Variants in TJP3 observed in about 807,000 individuals in gnomAD.
The protein encoded by TJP3 is tight junction protein 3.
In TJP3, 85 loss-of-function variants were observed where a neutral mutation model predicts 104.2. The observed-to-expected ratio is 0.82, with a 90% confidence interval of 0.68 to 0.98. The LOEUF (loss-of-function observed/expected upper bound fraction) is 0.98. Among genes scored for constraint, TJP3 ranks in the 50% least tolerant of loss-of-function variants. The probability of loss-of-function intolerance (pLI) is 0.00; values close to 1 mark genes in which losing one functional copy is unlikely to be tolerated. For synonymous variants in TJP3, 550 were observed against 550.6 expected, an observed-to-expected ratio of 1.00 and a Z score of 0.02; for missense variants, 1,367 against 1,322.8, an observed-to-expected ratio of 1.03 and a Z score of -0.52.
At chr19:3,710,352 A>G (rs2145659138) in intron 1 of TJP3, among the ~76,000 whole-genome samples, 1 of 152,050 alleles carries the variant, frequency 6.6e-6, no homozygotes, top group African/African-American at 2.4e-5. Context: ...ACAGCCGCTT[A>G]CCCCGGGCCG....
chr19:3,735,838 C>T, intron 9 of TJP3, 31 bp from the exon 10 acceptor site: 1 of 1,613,102 alleles, frequency 6.2e-7, no homozygotes, highest in South Asian at 1.1e-5. Flanking sequence ...AGCCAGTGTG[C>T]TTGGGAAAGA....
chr19:3,729,996 C>T, intron 3 of TJP3, 32 bp from the exon 4 acceptor site: 1 of 1,597,000 alleles, frequency 6.3e-7, no homozygotes, highest in Non-Finnish European at 8.6e-7. Flanking sequence ...CCCTGCAAAG[C>T]CTCCTCCGTA....
At chr19:3,721,951 C>T in intron 1 of TJP3, 1 of 866,676 alleles carries the variant, frequency 1.2e-6, no homozygotes, top group Non-Finnish European at 1.5e-6. Flanking sequence ...GGGGCTCGGG[C>T]TGAGGTGGGG....
intron 1 of TJP3, among the ~76,000 whole-genome samples, chr19:3,716,370 G>T (rs2036477144): frequency 6.7e-6 from 1 of 148,492 alleles, no homozygotes; most frequent in Admixed American, 6.8e-5. Context: ...ACCGCGCTCG[G>T]CCTGGTATTG....
chr19:3,734,554 C>A, intron 8 of TJP3, 119 bp downstream of exon 8: 1 of 874,866 alleles, frequency 1.1e-6, no homozygotes, highest in Non-Finnish European at 1.7e-6. Context: ...TCCTGTATTT[C>A]TAGCATGTGC....
intron 3 of TJP3, among the ~76,000 whole-genome samples, chr19:3,729,596 C>T (rs1344809024): frequency 6.6e-6 from 1 of 151,986 alleles, no homozygotes; most frequent in Admixed American, 6.6e-5. Context: ...GCCTGGCCAA[C>T]ATGGTGAAAC....
At chr19:3,726,852 A>C (rs1163635754) in intron 1 of TJP3, among the ~76,000 whole-genome samples, 1 of 151,796 alleles carries the variant, frequency 6.6e-6, no homozygotes, top group African/African-American at 2.4e-5. Context: ...TTGGGAGGCC[A>C]AGGCTGGAGA....
rs766559592 is a variant in TJP3 at position 3,747,878 on chromosome 19, G to A, written c.2407G>A (p.Val803Ile). Residue 803 changes from valine (V) to isoleucine (I), a missense_variant, in exon 19 of 21, where the codon GTT becomes ATT. Transcript: ENST00000541714. The stretch of plus-strand genomic sequence containing the variant: ...CGCTGACCTCAGCTGCGACAGCCGC[G>A]TTAACAGCGACTACGAGACGGACGG... ...SSADLSCDSR[V>I]NSDYETDGEG... The A allele has an allele frequency of 9.3e-6, 15 of 1,612,966 alleles. No homozygotes were observed. The highest frequency in any genetic ancestry group is 6.7e-5 in the East Asian group (3 of 44,894).
chr19:3,749,509 A>G (rs544262188), intron 19 of TJP3: 1 of 151,636 alleles, frequency 6.6e-6, no homozygotes, highest in South Asian at 2.1e-4. Context: ...ACACCCAGCT[A>G]ATTTTTTTTC....
chr19:3,748,009 G>A lies in TJP3; in HGVS notation c.2538G>A (p.Ser846=), dbSNP rs769177639. 5.6e-6 allele frequency: 9 copies of A among 1,608,022 alleles called. No homozygotes were observed. Among genetic ancestry groups the A allele is most frequent in the East Asian group, 2.2e-5 (1 of 44,622 alleles). The change falls in exon 19 of 21, where the codon TCG becomes TCA. Residue 846 remains serine, a synonymous_variant. Transcript: ENST00000541714. ...CGGCTCCAGCCCTGGCCCGGTCCTC[G>A]GAGCCCGTGCAGGCAGATGAGTCCC... is the stretch of plus-strand genomic sequence containing the variant. ...EPPAPALARS[S]EPVQADESQS... is the part of the protein sequence containing the mutation.
rs182978247 is a variant in TJP3 at position 3,732,091 on chromosome 19, G to C, written c.717+53G>C. ...CAGGGAGACAAGGCAGGGTTGGGGC[G>C]GGCAGTCCCACGGAGTCATACAGCA... On this transcript the variant is annotated intron_variant, in intron 6 of 20. Coordinates refer to ENST00000541714, the MANE Select transcript of TJP3 (RefSeq NM_001267560.2). 10 of 1,503,630 alleles carry C rather than the reference G, an allele frequency of 6.7e-6. No individual in the cohort carries two copies. In the East Asian group the frequency reaches 2.3e-4, roughly 35 times the overall value. 93.1% of individuals were successfully genotyped at this position (1,503,630 alleles called of 1,614,324 possible).
intron 1 of TJP3, among the ~76,000 whole-genome samples, chr19:3,719,250 G>C (rs1005638818): frequency 1.3e-5 from 2 of 152,106 alleles, no homozygotes; most frequent in Non-Finnish European, 2.9e-5. Context: ...GCTGGTGGCG[G>C]AGTGTCACAC....
In TJP3 at chr19:3,730,775, G is replaced by A. The variant is rs2036662177; in HGVS notation, c.613+69G>A. ...GGGCACCGTGGTCGGATGGGCGACG[G>A]TTTCAAGTGATTCTCCTGCCTCAGC... On this transcript the variant is annotated intron_variant, in intron 5 of 20. Transcript: ENST00000541714. The surrounding 1 kb of genome is among the most constrained non-coding windows in gnomAD (Gnocchi z 7.3). 1 of 1,469,838 alleles carries A rather than the reference G, an allele frequency of 6.8e-7. No individual in the cohort carries two copies. Among genetic ancestry groups the A allele is most frequent in the Non-Finnish European group, 9.1e-7 (1 of 1,102,116 alleles). The allele number at this position is 1,469,838 out of a possible 1,614,324, so 91.0% of individuals were successfully genotyped here.
chr19:3,724,497 G>A (rs939204078), intron 1 of TJP3, among the ~76,000 whole-genome samples: 3 of 151,992 alleles, frequency 2.0e-5, no homozygotes, highest in Admixed American at 2.0e-4. Flanking sequence ...GCCCGGGCAG[G>A]GCTGTCTCTT....
At position 3,738,933 on chromosome 19, in the gene TJP3, CCTTCTACATCCGCACTCA is replaced by C. The variant is rs1248688608; in HGVS notation, c.1434_1451del (p.Tyr479_Phe484del). 6.2e-7 allele frequency: 1 copy of C among 1,611,272 alleles called. No homozygotes were observed. The highest frequency in any genetic ancestry group is 1.3e-5 in the African/African-American group (1 of 75,022). Reference sequence around the variant, plus strand: ...ATGGTGCAGTCCCGCGTGGGTGACTCCTTCTACATCCGCACTCACTTTGAGCTGGAGCCCAGTCCACCG... The same window carrying C: ...ATGGTGCAGTCCCGCGTGGGTGACTCCTTTGAGCTGGAGCCCAGTCCACCG... On this transcript the variant is annotated inframe_deletion, in exon 13 of 21. Coordinates refer to ENST00000541714, the MANE Select transcript of TJP3 (RefSeq NM_001267560.2).
chr19:3,726,896 G>C (rs941763364), intron 1 of TJP3, among the ~76,000 whole-genome samples: 19 of 151,412 alleles, frequency 1.3e-4, no homozygotes, highest in African/African-American at 4.4e-4. Context: ...GACCAGCCTT[G>C]GCAACACAGA....
At position 3,734,460 on chromosome 19, in the gene TJP3, T is replaced by G. The variant is rs749066214; in HGVS notation, c.986+25T>G. On this transcript the variant is annotated intron_variant, in intron 8 of 20. Coordinates refer to ENST00000541714, the MANE Select transcript of TJP3 (RefSeq NM_001267560.2). ...TGTAAGTATCACCCATCGGCCAGAA[T>G]GGTGATAGGGAGGGAGAGGGAGGTG... 5 of 1,577,926 alleles carry G rather than the reference T, an allele frequency of 3.2e-6. No individual in the cohort carries two copies. In the African/African-American group the frequency reaches 5.4e-5, roughly 17 times the overall value.
intron 1 of TJP3, among the ~76,000 whole-genome samples, chr19:3,709,348 G>A (rs1034189697): frequency 4.6e-5 from 7 of 152,026 alleles, no homozygotes; most frequent in Non-Finnish European, 1.0e-4. Flanking sequence ...CAACCCCCTC[G>A]GCCTCCCAAA....
intron 1 of TJP3, among the ~76,000 whole-genome samples, chr19:3,717,072 T>C (rs1456254684): frequency 1.4e-5 from 2 of 145,656 alleles, no homozygotes; most frequent in Admixed American, 7.0e-5. Context: ...CTCAAGCAAT[T>C]CTCTTGCCTC....
Sources: allele counts gnomAD v4.1 joint callset (sites outside exome capture counted in the v4.1 genomes callset), GRCh38; gene constraint gnomAD v4.1.1; non-coding constraint Gnocchi (gnomAD v3.1); transcripts MANE v1.5; gene names NCBI Gene and HGNC (gene_info 2026-07-23, HGNC 2026-07-21).